The following PTPRG variants were observed in gnomAD, a reference collection of about 807,000 sequenced individuals.
PTPRG encodes the protein receptor-type tyrosine-protein phosphatase gamma.
PTPRG carries 102 observed loss-of-function variants against 165.3 expected under a neutral mutation model. The ratio of observed to expected loss-of-function variants is 0.62; its 90% CI spans 0.53 to 0.73. The LOEUF (loss-of-function observed/expected upper bound fraction) is 0.73. PTPRG is among the 30% of genes least tolerant of loss of function. The probability of loss-of-function intolerance (pLI) is 0.00; values close to 1 mark genes in which losing one functional copy is unlikely to be tolerated. For missense variants in PTPRG, 1,866 were observed against 1,861.4 expected, an observed-to-expected ratio of 1.00 and a Z score of -0.05; for synonymous variants, 675 against 669.5, an observed-to-expected ratio of 1.01 and a Z score of -0.13.
chr3:62,140,686 A>G, intron 6 of PTPRG, among the ~76,000 whole-genome samples: 1 of 151,990 alleles, frequency 6.6e-6, no homozygotes. Flanking sequence ...TTCTCTACTA[A>G]AAATACAAAA....
intron 2 of PTPRG, among the ~76,000 whole-genome samples, chr3:61,829,448 C>T (rs1241904743): frequency 6.6e-6 from 1 of 152,240 alleles, no homozygotes; most frequent in Non-Finnish European, 1.5e-5. Flanking sequence ...TATCATGCCT[C>T]ACTTAGCCCG....
chr3:61,586,096 A>C (rs192552488), intron 1 of PTPRG, among the ~76,000 whole-genome samples: 9 of 151,900 alleles, frequency 5.9e-5, no homozygotes, highest in South Asian at 2.1e-4. Context: ...TTTCTTTTTT[A>C]TTTTTTGCCT....
chr3:61,967,406 CT>C (rs945139650), intron 2 of PTPRG, among the ~76,000 whole-genome samples: 2 of 152,084 alleles, frequency 1.3e-5, no homozygotes, highest in African/African-American at 4.8e-5. Context: ...TTCATCTCAC[CT>C]TTTTCAACTC....
At chr3:61,582,888 T>TTC (rs1700335650) in intron 1 of PTPRG, among the ~76,000 whole-genome samples, 2 of 152,206 alleles carry the variant, frequency 1.3e-5, no homozygotes, top group Admixed American at 1.3e-4. Context: ...TGTTGCAGTG[T>TTC]AAGACTGAAG....
intron 28 of PTPRG, among the ~76,000 whole-genome samples, chr3:62,283,150 G>C (rs1156232012): frequency 6.6e-6 from 1 of 152,102 alleles, no homozygotes; most frequent in Admixed American, 6.6e-5. Context: ...CATGCATTTA[G>C]AGGTGTTATG....
At position 61,585,356 on chromosome 3, in the gene PTPRG, G is replaced by C. The variant is rs956801514; in HGVS notation, c.85+22984G>C. Among the ~76,000 whole-genome samples, 6 of 151,992 alleles carry C rather than the reference G, an allele frequency of 3.9e-5. No homozygotes were observed. The South Asian group carries it at 1.2e-3, about 32-fold the overall frequency. ...TCATATAGGTACGTGGAGGAAAATG[G>C]CAATCTTCTGTAAATCATCTGTAAC... On this transcript the variant is annotated intron_variant, in intron 1 of 29. Transcript: ENST00000474889.
intron 1 of PTPRG, among the ~76,000 whole-genome samples, chr3:61,616,886 G>A (rs1204572832): frequency 6.6e-6 from 1 of 152,150 alleles, no homozygotes; most frequent in African/African-American, 2.4e-5. Flanking sequence ...GTTAAACCTA[G>A]GAACAGAAAG....
intron 2 of PTPRG, among the ~76,000 whole-genome samples, chr3:61,789,399 T>C (rs2034806414): frequency 6.6e-6 from 1 of 152,208 alleles, no homozygotes; most frequent in Non-Finnish European, 1.5e-5. Flanking sequence ...TGAGCTACTG[T>C]GCCTAGCCTC....
At chr3:61,669,370 CG>C in intron 1 of PTPRG, among the ~76,000 whole-genome samples, 1 of 148,220 alleles carries the variant, frequency 6.7e-6, no homozygotes, top group South Asian at 2.4e-4. Flanking sequence ...ATGCTGGTAC[CG>C]GTATCAAGAG....
In PTPRG at chr3:61,823,128, A is replaced by G. The variant is rs1451059520; in HGVS notation, c.190+74146A>G. ...CCATCATGCGTAGTTTGCATTTGCA[A>G]GTTCGGTTACTTTGGGAGATTGATG... On this transcript the variant is annotated intron_variant, in intron 2 of 29. Transcript: ENST00000474889. 2.0e-5 allele frequency among the ~76,000 whole-genome samples: 3 copies of G among 152,156 alleles called. No individual in the cohort carries two copies. In the East Asian group the frequency reaches 5.8e-4, roughly 29 times the overall value.
At chr3:62,051,781 G>A (rs1461313212) in intron 4 of PTPRG, among the ~76,000 whole-genome samples, 2 of 152,186 alleles carry the variant, frequency 1.3e-5, no homozygotes, top group Non-Finnish European at 2.9e-5. Flanking sequence ...TGTTGCAGCC[G>A]GCGCCCTCAT....
At chr3:61,963,247 A>G (rs1250975500) in intron 2 of PTPRG, among the ~76,000 whole-genome samples, 1 of 152,202 alleles carries the variant, frequency 6.6e-6, no homozygotes, top group Non-Finnish European at 1.5e-5. Context: ...ACCATTTTAT[A>G]TGTATCTGTC....
At chr3:61,711,054 G>C (rs1432872854) in intron 1 of PTPRG, among the ~76,000 whole-genome samples, 1 of 152,084 alleles carries the variant, frequency 6.6e-6, no homozygotes, top group African/African-American at 2.4e-5. Flanking sequence ...AGTTTGCTGA[G>C]AATGATGGTT....
At chr3:61,974,051 C>T (rs989384626) in intron 2 of PTPRG, among the ~76,000 whole-genome samples, 1 of 152,206 alleles carries the variant, frequency 6.6e-6, no homozygotes, top group East Asian at 1.9e-4. Context: ...CAGAGCCATA[C>T]TCTAAGCCAA....
At chr3:61,792,340 G>C (rs3915898) in intron 2 of PTPRG, among the ~76,000 whole-genome samples, 84,284 of 151,618 alleles carry the variant, frequency 0.56, 24,338 homozygotes, top group East Asian at 0.86. Context: ...ACCCACCCCC[G>C]TCACCCCTCC....
At chr3:61,654,334 G>A (rs1702449217) in intron 1 of PTPRG, among the ~76,000 whole-genome samples, 1 of 152,000 alleles carries the variant, frequency 6.6e-6, no homozygotes, top group Non-Finnish European at 1.5e-5. Flanking sequence ...TGCTTCATAT[G>A]CTTTGAGGCT....
chr3:61,964,077 A>C (rs72885855), intron 2 of PTPRG, among the ~76,000 whole-genome samples: 2,286 of 152,332 alleles, frequency 0.015, 63 homozygotes, highest in African/African-American at 0.05. Flanking sequence ...AAGTAGCTGG[A>C]AAACAAACTT....
At chr3:62,000,281 CA>C (rs5849454) in intron 3 of PTPRG, among the ~76,000 whole-genome samples, 37,981 of 102,474 alleles carry the variant, frequency 0.37, 4,555 homozygotes, top group Middle Eastern at 0.39. Flanking sequence ...ACTCTGTCTC[CA>C]AAAAAAAAAA....
chr3:61,619,670 G>A (rs950603069), intron 1 of PTPRG, among the ~76,000 whole-genome samples: 7 of 152,184 alleles, frequency 4.6e-5, no homozygotes, highest in Non-Finnish European at 8.8e-5. Context: ...TATAGTACTG[G>A]TGGGTGTATG....
Sources: gnomAD v4.1 joint callset for allele counts (sites outside exome capture counted in the v4.1 genomes callset) on GRCh38, gnomAD v4.1.1 for gene constraint, MANE v1.5 for transcripts, NCBI Gene and HGNC (gene_info 2026-07-23, HGNC 2026-07-21) for gene names.